The following EEA1 variants were observed in gnomAD, a reference collection of about 807,000 sequenced individuals.
EEA1 encodes early endosome antigen 1.
In EEA1, 111 loss-of-function variants were observed where a neutral mutation model predicts 209.2. The observed-to-expected ratio is 0.53, with a 90% confidence interval of 0.45 to 0.62. EEA1 has a LOEUF of 0.62. Ranked by LOEUF, EEA1 falls within the 20% of genes least tolerant of loss-of-function variation. The pLI is 0.00. For synonymous variants in EEA1, 536 were observed against 540.6 expected, an observed-to-expected ratio of 0.99 and a Z score of 0.12; for missense variants, 1,343 against 1,530.8, an observed-to-expected ratio of 0.88 and a Z score of 2.05.
intron 27 of EEA1, 92 bp downstream of exon 27, chr12:92,777,451 A>C: frequency 7.3e-7 from 1 of 1,367,932 alleles, no homozygotes. Context: ...AGTATTTATA[A>C]AACATGAGAT....
At position 92,788,046 on chromosome 12, in the gene EEA1, C is replaced by G. The variant is rs778214485; in HGVS notation, c.2971G>C (p.Glu991Gln). ...ELKIAVLQKT[E>Q]LENKLQQQLT... ...TGCTGCTGTAGTTTATTCTCAAGCT[C>G]TGTCTGAAACATACAATAGTTATTT... is the stretch of plus-strand genomic sequence containing the variant. The change falls in exon 22 of 29, where the codon GAG becomes CAG. Residue 991 changes from glutamate (E) to glutamine (Q), a missense_variant. Glu to Gln is a conservative substitution (Grantham distance 29). Coordinates refer to ENST00000322349, the MANE Select transcript of EEA1 (RefSeq NM_003566.4). The G allele has an allele frequency of 7.6e-6, 12 of 1,585,414 alleles. No individual in the cohort carries two copies. The highest frequency in any genetic ancestry group is 1.0e-5 in the Non-Finnish European group (12 of 1,169,124).
chr12:92,903,268 G>A (rs1880230239), intron 1 of EEA1, among the ~76,000 whole-genome samples: 1 of 151,744 alleles, frequency 6.6e-6, no homozygotes, highest in African/African-American at 2.4e-5. Context: ...AATGGGATAA[G>A]TGTGTAGGTT....
Position 92,778,163 on chromosome 12 carries a change from T to C in EEA1, c.3671A>G (p.Glu1224Gly), listed in dbSNP as rs760399283. The C allele has an allele frequency of 2.2e-5, 35 of 1,611,034 alleles. No individual in the cohort carries two copies. The highest frequency in any genetic ancestry group is 2.9e-5 in the Non-Finnish European group (34 of 1,178,788). The stretch of plus-strand genomic sequence containing the variant: ...ATGCTTCTTCATTCCTACTTCCTTT[T>C]CTTTTATTTCGGAATGCTGAAAAAA... ...KEAKLHSEIK[E>G]KEVGMKKHEE... Residue 1224 changes from glutamate (E) to glycine (G), a missense_variant, in exon 26 of 29, where the codon GAA becomes GGA. Transcript: ENST00000322349.
In EEA1 at chr12:92,813,001, A is replaced by C; in HGVS notation, c.2022T>G (p.Asn674Lys). 1 of 1,590,310 alleles carries C rather than the reference A, an allele frequency of 6.3e-7. No individual in the cohort carries two copies. The highest frequency in any genetic ancestry group is 2.3e-5 in the East Asian group (1 of 44,336). The stretch of plus-strand genomic sequence containing the variant: ...CTACCTGCTGTTTATCTTGTAATGC[A>C]TTTTGAGCTGTGTCCAAATGATTCT... ...DLQNHLDTAQ[N>K]ALQDKQQELN... is the part of the protein sequence containing the mutation. The change falls in exon 16 of 29, where the codon AAT becomes AAG. Residue 674 changes from asparagine (N) to lysine (K), a missense_variant. Around this residue, in one of 3 missense-constraint regions of EEA1, gnomAD observed 1,307 missense variants for 1,465.5 expected, o/e 0.89. Transcript: ENST00000322349.
intron 9 of EEA1, among the ~76,000 whole-genome samples, chr12:92,846,834 T>A (rs1877404350): frequency 6.6e-6 from 1 of 152,234 alleles, no homozygotes; most frequent in Admixed American, 6.5e-5. Flanking sequence ...AGATTATGTA[T>A]CTTCAGCCCC....
intron 2 of EEA1, among the ~76,000 whole-genome samples, chr12:92,872,273 T>C (rs1003246831): frequency 1.3e-5 from 2 of 152,106 alleles, no homozygotes; most frequent in Non-Finnish European, 2.9e-5. Context: ...GGTCTCCAAC[T>C]CCTAACCTGA....
chr12:92,819,481 C>A lies in EEA1; in HGVS notation c.1555G>T (p.Gly519Cys). ...NDLEQVLRQI[G>C]DKDQKIQNLE... Reference sequence around the variant, plus strand: ...TTCTGGATCTTTTGGTCCTTATCGCCAATTTGACGTAGAACTTGTTCCAAA... The same window carrying A: ...TTCTGGATCTTTTGGTCCTTATCGCAAATTTGACGTAGAACTTGTTCCAAA... Residue 519 changes from glycine to cysteine, a missense_variant, in exon 14 of 29, where the codon GGC becomes TGC. By Grantham distance (159) the Gly-to-Cys change is radical. Coordinates refer to ENST00000322349, the MANE Select transcript of EEA1 (RefSeq NM_003566.4). 1 of 1,606,604 alleles carries A rather than the reference C, an allele frequency of 6.2e-7. No individual in the cohort carries two copies. The highest frequency in any genetic ancestry group is 1.3e-5 in the African/African-American group (1 of 74,670).
At chr12:92,779,360 G>A (rs1873799236) in intron 24 of EEA1, 60 bp from the exon 25 acceptor site, 2 of 1,480,252 alleles carry the variant, frequency 1.4e-6, no homozygotes, top group Admixed American at 2.8e-5. Context: ...TCAAAATTTG[G>A]CTAAAATTTA....
intron 2 of EEA1, among the ~76,000 whole-genome samples, chr12:92,875,670 T>C (rs976992838): frequency 1.3e-5 from 2 of 152,124 alleles, no homozygotes; most frequent in African/African-American, 4.8e-5. Flanking sequence ...ATCTTGTCGT[T>C]TCCTTGCTTA....
intron 13 of EEA1, among the ~76,000 whole-genome samples, 158 bp downstream of exon 13, chr12:92,826,008 G>A (rs557275125): frequency 1.9e-3 from 296 of 151,936 alleles, no homozygotes; most frequent in Middle Eastern, 6.8e-3. Context: ...AGACTTCAAA[G>A]TTATCAAAAT....
rs142189596 is a variant in EEA1, at chr12:92,873,676, G to A, written c.118-8689C>T. Among the ~76,000 whole-genome samples the A allele has an allele frequency of 3.9e-4, 59 of 152,264 alleles. 1 individual carries two copies. The East Asian group carries it at 0.011, about 28-fold the overall frequency. ...AGGGTAGCAATTAAGAGCTAGGCTT[G>A]GGCTTGAATCCTGGATTCATATCAC... On this transcript the variant is annotated intron_variant, in intron 2 of 28. Transcript: ENST00000322349.
At chr12:92,919,962 CAG>C (rs1214045165) in intron 1 of EEA1, among the ~76,000 whole-genome samples, 1 of 79,540 alleles carries the variant, frequency 1.3e-5, no homozygotes, top group Non-Finnish European at 2.5e-5. Context: ...AAAAGACAAA[CAG>C]AGAGCCAAAT....
chr12:92,914,018 C>T (rs1218262012), intron 1 of EEA1, among the ~76,000 whole-genome samples: 1 of 152,174 alleles, frequency 6.6e-6, no homozygotes, highest in African/African-American at 2.4e-5. Context: ...ATATGGTGAA[C>T]AATATGGGTC....
chr12:92,777,374 TCTTTA>T (rs1425390692), intron 27 of EEA1, among the ~76,000 whole-genome samples, 164 bp downstream of exon 27: 3 of 152,004 alleles, frequency 2.0e-5, no homozygotes, highest in Admixed American at 2.0e-4. Context: ...TGAAACAAGT[TCTTTA>T]CTTTTATATT....
rs150755447 is a variant in EEA1, at chr12:92,780,053, T to TA, written c.3468+226dup. Among the ~76,000 whole-genome samples, 556 of 152,258 alleles carry TA rather than the reference T, an allele frequency of 3.7e-3. 2 individuals carry two copies. The highest frequency in any genetic ancestry group is 0.013 in the African/African-American group (534 of 41,576). On this transcript the variant is annotated intron_variant, in intron 24 of 28. Coordinates refer to ENST00000322349, the MANE Select transcript of EEA1 (RefSeq NM_003566.4). Reference sequence around the variant, plus strand: ...TCAATGAGATCCAAACTCTTAGGGTTACTTTGCTTCATTGGGTAATGTGAA... The same window carrying TA: ...TCAATGAGATCCAAACTCTTAGGGTTAACTTTGCTTCATTGGGTAATGTGAA...
intron 2 of EEA1, among the ~76,000 whole-genome samples, chr12:92,872,390 G>T (rs896000949): frequency 6.6e-6 from 1 of 152,112 alleles, no homozygotes; most frequent in Non-Finnish European, 1.5e-5. Flanking sequence ...ATACTTTTAT[G>T]TCATATAATG....
At chr12:92,779,534 A>AG (rs1468066350) in intron 24 of EEA1, among the ~76,000 whole-genome samples, 2 of 152,028 alleles carry the variant, frequency 1.3e-5, no homozygotes, top group African/African-American at 2.4e-5. Flanking sequence ...GATTATGTGG[A>AG]GAAAAAAAAA....
chr12:92,865,839 T>C (rs1449709347), intron 2 of EEA1, among the ~76,000 whole-genome samples: 1 of 151,198 alleles, frequency 6.6e-6, no homozygotes, highest in Non-Finnish European at 1.5e-5. Context: ...CTCCACCTCC[T>C]GGGTTCAAGC....
rs759164103 is a variant in EEA1, at chr12:92,798,978, T to C, written c.2881A>G (p.Ile961Val). ...EKEEQQLQGN[I>V]NELKQSSEQK... ...TCACTTGATTGCTTTAGCTCATTTA[T>C]GTTCCCCTGAAGTTGTTGCTCTTCT... The change falls in exon 21 of 29, where the codon ATA (isoleucine) becomes GTA (valine). Residue 961 changes from isoleucine to valine, a missense_variant. Ile to Val is a conservative substitution (Grantham distance 29). Around this residue, in one of 3 missense-constraint regions of EEA1, gnomAD observed 1,307 missense variants for 1,465.5 expected, o/e 0.89. Transcript: ENST00000322349. 6.2e-7 allele frequency: 1 copy of C among 1,613,542 alleles called. No individual in the cohort carries two copies. Among genetic ancestry groups the C allele is most frequent in the Non-Finnish European group, 8.5e-7 (1 of 1,179,756 alleles).
Sources: gnomAD v4.1 joint callset for allele counts (sites outside exome capture counted in the v4.1 genomes callset) on GRCh38, gnomAD v4.1.1 for gene constraint, gnomAD v4.1.1 regional missense constraint, MANE v1.5 for transcripts, NCBI Gene and HGNC (gene_info 2026-07-23, HGNC 2026-07-21) for gene names.